The following ATM variants were observed in gnomAD, a reference collection of about 807,000 sequenced individuals.
ATM encodes serine-protein kinase ATM.
In ATM, 308 loss-of-function variants were observed where a neutral mutation model predicts 387.0. The ratio of observed to expected loss-of-function variants is 0.80; its 90% CI spans 0.73 to 0.87. ATM has a LOEUF of 0.87. Among genes scored for constraint, ATM ranks in the 40% least tolerant of loss-of-function variants. The pLI is 0.00. For synonymous variants in ATM, 1,156 were observed against 1,187.3 expected, an observed-to-expected ratio of 0.97 and a Z score of 0.54; for missense variants, 3,312 against 3,560.9, an observed-to-expected ratio of 0.93 and a Z score of 1.78.
chr11:108,230,454 C>G (rs1030809300), intron 4 of ATM: 6 of 152,102 alleles, frequency 3.9e-5, no homozygotes, highest in African/African-American at 1.4e-4. Flanking sequence ...GTTACTGCTT[C>G]TCCCTTCTGA....
intron 11 of ATM, 124 bp from the exon 12 acceptor site, chr11:108,252,693 A>G (rs2080220464): frequency 1.4e-6 from 1 of 702,464 alleles, no homozygotes; most frequent in Non-Finnish European, 2.5e-6. Flanking sequence ...AGATGAAAGC[A>G]ATTTTAATCT....
chr11:108,262,612 G>T (rs542402317), intron 16 of ATM, among the ~76,000 whole-genome samples: 28 of 152,236 alleles, frequency 1.8e-4, no homozygotes, highest in Non-Finnish European at 3.8e-4. Context: ...CATAATGACA[G>T]GATCAAATTC....
chr11:108,250,133 T>C (rs1242681012), intron 9 of ATM, among the ~76,000 whole-genome samples: 1 of 101,926 alleles, frequency 9.8e-6, no homozygotes, highest in Non-Finnish European at 1.9e-5. Flanking sequence ...AGAAATAAAA[T>C]ATTGCTAAAT....
Position 108,271,228 on chromosome 11 carries a change from CTT to C in ATM, c.2922-9_2922-8del, listed in dbSNP as rs373881770. The stretch of plus-strand genomic sequence containing the variant: ...GTTCTGTTAAGCTTATAAAGTTGAA[CTT>C]TTTTTTTTTTTTTACCACAGCAATG... On this transcript the variant is annotated intron_variant, in intron 19 of 62. Coordinates refer to ENST00000675843, the MANE Select transcript of ATM (RefSeq NM_000051.4). 7,355 of 1,485,054 alleles carry C rather than the reference CTT, an allele frequency of 5.0e-3. No individual in the cohort carries two copies. Among genetic ancestry groups the C allele is most frequent in the Middle Eastern group, 7.4e-3 (40 of 5,384 alleles). 92.0% of individuals were successfully genotyped at this position (1,485,054 alleles called of 1,614,324 possible).
At chr11:108,340,138 G>C (rs535871293) in intron 56 of ATM, 1 of 151,020 alleles carries the variant, frequency 6.6e-6, no homozygotes, top group African/African-American at 2.4e-5. Flanking sequence ...TGCTCAGACT[G>C]AAACCTAGAG....
chr11:108,317,863 T>G (rs117338998), intron 43 of ATM, among the ~76,000 whole-genome samples: 2,972 of 151,676 alleles, frequency 0.02, 39 homozygotes, highest in Middle Eastern at 0.034. Flanking sequence ...CCCCTAAATA[T>G]TTCTAAAAAC....
intron 55 of ATM, 118 bp downstream of exon 55, chr11:108,335,227 G>T: frequency 6.4e-7 from 1 of 1,565,078 alleles, no homozygotes; most frequent in Non-Finnish European, 8.6e-7. Flanking sequence ...TACAAATGAG[G>T]AAGATTTGTA....
intron 42 of ATM, 58 bp from the exon 43 acceptor site, chr11:108,317,315 T>C (rs919663546): frequency 1.9e-6 from 3 of 1,552,838 alleles, no homozygotes; most frequent in Non-Finnish European, 2.6e-6. Context: ...TTTTTTTCTC[T>C]GGTTTTCTGT....
At chr11:108,284,898 T>C (rs1289441572) in intron 26 of ATM, among the ~76,000 whole-genome samples, 1 of 152,190 alleles carries the variant, frequency 6.6e-6, no homozygotes, top group Non-Finnish European at 1.5e-5. Flanking sequence ...CATACCCTGC[T>C]GTTTGTTTTT....
In ATM at chr11:108,279,594, G is replaced by A. The variant is rs587781911; in HGVS notation, c.3388G>A (p.Gly1130Arg). 1.2e-6 allele frequency: 2 copies of A among 1,609,380 alleles called. No homozygotes were observed. Among genetic ancestry groups the A allele is most frequent in the Non-Finnish European group, 1.7e-6 (2 of 1,175,994 alleles). Reference protein sequence around the residue: ...FENAYLKAQEGMREMSHSAEN... With the variant: ...FENAYLKAQERMREMSHSAEN... ...AAATGCATACTTGAAAGCTCAGGAA[G>A]GAATGAGAGAAATGGTAATTTTAAG... Residue 1130 changes from glycine (G) to arginine (R), a missense_variant, in exon 23 of 63, where the codon GGA (glycine) becomes AGA (arginine). Gly to Arg is a moderately radical substitution (Grantham distance 125). Around this residue, in one of 4 missense-constraint regions of ATM, gnomAD observed 1,791 missense variants for 1,804.5 expected, o/e 0.99. Coordinates refer to ENST00000675843, the MANE Select transcript of ATM (RefSeq NM_000051.4).
At chr11:108,275,141 G>C (rs2081867920) in intron 22 of ATM, among the ~76,000 whole-genome samples, 1 of 152,100 alleles carries the variant, frequency 6.6e-6, no homozygotes, top group Non-Finnish European at 1.5e-5. Flanking sequence ...TGTCTTTCTT[G>C]ATCTTTGTTG....
intron 39 of ATM, among the ~76,000 whole-genome samples, chr11:108,311,055 T>A (rs946847858): frequency 1.3e-5 from 2 of 152,148 alleles, no homozygotes; most frequent in African/African-American, 2.4e-5. Flanking sequence ...GTAGCCTTGA[T>A]CTTCCGGGCT....
At position 108,302,878 on chromosome 11, in the gene ATM, A is replaced by G. The variant is rs878853520; in HGVS notation, c.5345A>G (p.Lys1782Arg). 1.2e-6 allele frequency: 2 copies of G among 1,612,948 alleles called. No individual in the cohort carries two copies. The change falls in exon 36 of 63, where the codon AAA becomes AGA. Residue 1782 changes from lysine (K) to arginine (R), a missense_variant. Physicochemically the swap from Lys to Arg is conservative, Grantham distance 26 (BLOSUM62 2). Around this residue, in one of 4 missense-constraint regions of ATM, gnomAD observed 1,405 missense variants for 1,604.4 expected, o/e 0.88. Transcript: ENST00000675843. Reference protein sequence around the residue: ...KKFLEVPRFDKENPFEGLDDI... With the variant: ...KKFLEVPRFDRENPFEGLDDI... ...TTTTTAGAAGTACCCAGATTTGACA[A>G]AGAAAACCCTTTTGAAGGCCTGGAT... is the stretch of plus-strand genomic sequence containing the variant.
chr11:108,357,949 G>A lies in ATM; in HGVS notation c.8850+3075G>A, dbSNP rs944600161. Among the ~76,000 whole-genome samples, 4 of 150,670 alleles carry A rather than the reference G, an allele frequency of 2.7e-5. No individual in the cohort carries two copies. The East Asian group carries it at 7.8e-4, about 29-fold the overall frequency. On this transcript the variant is annotated intron_variant, in intron 61 of 62. Transcript: ENST00000675843. Reference sequence around the variant, plus strand: ...AACGGAACAAAGCTGGATGGAGAATGACTTTGACGAGCTGAGAGAAGAAGG... The same window carrying A: ...AACGGAACAAAGCTGGATGGAGAATAACTTTGACGAGCTGAGAGAAGAAGG...
At chr11:108,359,892 A>G (rs1029306888) in intron 61 of ATM, among the ~76,000 whole-genome samples, 4 of 152,188 alleles carry the variant, frequency 2.6e-5, no homozygotes, top group African/African-American at 4.8e-5. Flanking sequence ...AAGAGCTAGA[A>G]AAGGAAGAGC....
At chr11:108,304,873 C>A in intron 37 of ATM, 21 bp downstream of exon 37, 1 of 1,610,240 alleles carries the variant, frequency 6.2e-7, no homozygotes, top group Non-Finnish European at 8.5e-7. Context: ...AAATTTTTAA[C>A]ATTAATACTG....
At position 108,231,687 on chromosome 11, in the gene ATM, ACT is replaced by A. The variant is rs1289435965; in HGVS notation, c.331+2367_331+2368del. On this transcript the variant is annotated intron_variant, in intron 4 of 62. Transcript: ENST00000675843. ...CTCCAGCCTGGGCAACAAGAGTGAAACTCTGTCTCAAAAAAAAAAAAAAAAAA... is the reference window on the plus strand; with the variant it reads ...CTCCAGCCTGGGCAACAAGAGTGAAACTGTCTCAAAAAAAAAAAAAAAAAA... The A allele has an allele frequency of 3.4e-5, 4 of 119,044 alleles. No homozygotes were observed. In the East Asian group the frequency reaches 9.1e-4, roughly 27 times the overall value. 7.4% of individuals were successfully genotyped at this position (119,044 alleles called of 1,614,324 possible). A position where few individuals can be genotyped will look rare whatever the true frequency, so the allele number is the denominator to read the frequency against.
chr11:108,319,064 C>A (rs1384056686), intron 43 of ATM, among the ~76,000 whole-genome samples: 2 of 151,962 alleles, frequency 1.3e-5, no homozygotes, highest in African/African-American at 4.8e-5. Context: ...GTAGTCCCAG[C>A]TGCTTGGGAG....
rs559108158 is a variant in ATM, at chr11:108,316,882, C to T, written c.6199-491C>T. ...CAGAGGTTGCAGTGAGCCGAGATCG[C>T]GCCACTGCACTCCAGCCTGGGCAAT... On this transcript the variant is annotated intron_variant, in intron 42 of 62. Transcript: ENST00000675843. Among the ~76,000 whole-genome samples the T allele has an allele frequency of 7.6e-4, 115 of 151,604 alleles. 1 individual carries two copies. Among genetic ancestry groups the T allele is most frequent in the African/African-American group, 1.3e-3 (54 of 41,286 alleles).
Sources: allele counts gnomAD v4.1 joint callset (sites outside exome capture counted in the v4.1 genomes callset), GRCh38; gene constraint gnomAD v4.1.1; regional missense constraint gnomAD v4.1.1; transcripts MANE v1.5; gene names NCBI Gene and HGNC (gene_info 2026-07-23, HGNC 2026-07-21).